PLXNB1: variants seen among roughly 807,000 people sequenced by gnomAD.
PLXNB1 encodes the protein plexin B1.
Under a neutral mutation model 209.4 loss-of-function variants are expected in PLXNB1, and 106 were observed. The ratio of observed to expected loss-of-function variants is 0.51; its 90% CI spans 0.43 to 0.59. The LOEUF is 0.59. PLXNB1 is among the 20% of genes least tolerant of loss of function. The pLI, the probability that PLXNB1 is intolerant of heterozygous loss-of-function variation, is 0.00. For synonymous variants in PLXNB1, 1,167 were observed against 1,183.2 expected (o/e 0.99, Z 0.28); for missense variants, 2,357 against 2,853.2 (o/e 0.83, Z 3.96).
chr3:48,418,374 C>T lies in PLXNB1; in HGVS notation c.3050-11G>A. ...AGTCATACAGTACCACTGGGGGTGG[C>T]AGAGACACACGTGAGAGGCAGGCCT... On this transcript the variant is annotated splice_polypyrimidine_tract_variant and intron_variant, in intron 14 of 37. Coordinates refer to ENST00000296440, the MANE Select transcript of PLXNB1 (RefSeq NM_001130082.3). This position sits in a 1 kb window ranked among gnomAD's most constrained non-coding sequence, Gnocchi z 6.6. The T allele has an allele frequency of 6.2e-7, 1 of 1,613,618 alleles. No individual in the cohort carries two copies. Among genetic ancestry groups the T allele is most frequent in the Non-Finnish European group, 8.5e-7 (1 of 1,180,006 alleles).
rs751392390 is a variant in PLXNB1 at position 48,421,246 on chromosome 3, C to T, written c.1792G>A (p.Val598Met). 1.2e-6 allele frequency: 2 copies of T among 1,613,194 alleles called. No individual in the cohort carries two copies. Among genetic ancestry groups the T allele is most frequent in the Non-Finnish European group, 8.5e-7 (1 of 1,179,676 alleles). ...CPSPDPSEAP[V>M]LPRGADYVSV... ...CACCCACCGGCTCCTCTCGGCAGCA[C>T]TGGGGCCTCACTAGGGTCTGGGGAG... Residue 598 changes from valine to methionine, a missense_variant, in exon 8 of 38, where the codon GTG becomes ATG. Val to Met is a conservative substitution (Grantham distance 21). Coordinates refer to ENST00000296440, the MANE Select transcript of PLXNB1 (RefSeq NM_001130082.3).
Position 48,422,814 on chromosome 3 carries a change from T to A in PLXNB1, c.1241A>T (p.Asp414Val). The A allele has an allele frequency of 6.2e-7, 1 of 1,614,142 alleles. No homozygotes were observed. Among genetic ancestry groups the A allele is most frequent in the Middle Eastern group, 1.7e-4 (1 of 6,060 alleles). The change falls in exon 4 of 38, where the codon GAT (aspartate) becomes GTT (valine). Residue 414 changes from aspartate to valine, a missense_variant. Physicochemically the swap from Asp to Val is radical, Grantham distance 152. This residue lies in a region of PLXNB1 where 404 missense variants were observed against 443.6 expected (regional missense o/e 0.91). Coordinates refer to ENST00000296440, the MANE Select transcript of PLXNB1 (RefSeq NM_001130082.3). Reference sequence around the variant, plus strand: ...ACCCAGGAAAGCGATGGTGTGTCCATCTTCCATGGTGACTGCCACAGCTGT... The same window carrying A: ...ACCCAGGAAAGCGATGGTGTGTCCAACTTCCATGGTGACTGCCACAGCTGT... Reference protein sequence around the residue: ...QLTAVAVTMEDGHTIAFLGDS... With the variant: ...QLTAVAVTMEVGHTIAFLGDS...
In PLXNB1 at chr3:48,420,093, G is replaced by A. The variant is rs775808883; in HGVS notation, c.2193C>T (p.Ser731=). The change falls in exon 11 of 38, where the codon TCC becomes TCT. Residue 731 remains serine, a synonymous_variant. Coordinates refer to ENST00000296440, the MANE Select transcript of PLXNB1 (RefSeq NM_001130082.3). The stretch of plus-strand genomic sequence containing the variant: ...CCCATGGCCCCCAGGGGCTGAGCAG[G>A]GAAGGACTAGCCCCAGGTGAGATGT... ...ASDISPGASP[S]LLSPWGPWAG... 3 of 1,613,604 alleles carry A rather than the reference G, an allele frequency of 1.9e-6. No homozygotes were observed. Among genetic ancestry groups the A allele is most frequent in the Admixed American group, 3.3e-5 (2 of 60,004 alleles).
rs2037184599 is a variant in PLXNB1 at position 48,404,377 on chromosome 3, A to T, written c.*109T>A. Reference sequence around the variant, plus strand: ...AGGAGACTGGGAGTCACCTTCCACTAACTCTGCTTGTCAGTCACTACAGGC... The same window carrying T: ...AGGAGACTGGGAGTCACCTTCCACTTACTCTGCTTGTCAGTCACTACAGGC... On this transcript the variant is annotated 3_prime_UTR_variant, in exon 38 of 38. Transcript: ENST00000296440. 1 of 662,492 alleles carries T rather than the reference A, an allele frequency of 1.5e-6. No homozygotes were observed. The highest frequency in any genetic ancestry group is 2.6e-6 in the Non-Finnish European group (1 of 386,530). 41.0% of individuals were successfully genotyped at this position (662,492 alleles called of 1,614,324 possible). A position where few individuals can be genotyped will look rare whatever the true frequency, so the allele number is the denominator to read the frequency against.
chr3:48,423,008 C>T, intron 3 of PLXNB1, 61 bp from the exon 4 acceptor site: 1 of 1,465,916 alleles, frequency 6.8e-7, no homozygotes, highest in South Asian at 1.2e-5. Flanking sequence ...GCCGCATCGT[C>T]CCTGGACAAC....
rs2037347378 is a variant in PLXNB1, at chr3:48,406,918, C to T, written c.6153-20G>A. The T allele has an allele frequency of 1.2e-6, 2 of 1,612,652 alleles. No individual in the cohort carries two copies. The highest frequency in any genetic ancestry group is 1.7e-6 in the Non-Finnish European group (2 of 1,178,982). On this transcript the variant is annotated intron_variant, in intron 35 of 37. Coordinates refer to ENST00000296440, the MANE Select transcript of PLXNB1 (RefSeq NM_001130082.3). This position sits in a 1 kb window ranked among gnomAD's most constrained non-coding sequence, Gnocchi z 4.4. ...TAGTACCTGCCAGAGAGCCAGGGCA[C>T]AGCAGCTGCTGGGTAAACAAGCCCA...
chr3:48,407,679 C>T (rs1325091231), intron 34 of PLXNB1, among the ~76,000 whole-genome samples: 2 of 152,352 alleles, frequency 1.3e-5, no homozygotes, highest in Admixed American at 1.3e-4. Context: ...GTGGCACTGT[C>T]CCCCATGAGC....
rs944454670 is a variant in PLXNB1, at chr3:48,411,235, G to A, written c.5248-199C>T. Among the ~76,000 whole-genome samples, 5 of 152,168 alleles carry A rather than the reference G, an allele frequency of 3.3e-5. No homozygotes were observed. The highest frequency in any genetic ancestry group is 1.9e-4 in the East Asian group (1 of 5,190). On this transcript the variant is annotated intron_variant, in intron 28 of 37. Coordinates refer to ENST00000296440, the MANE Select transcript of PLXNB1 (RefSeq NM_001130082.3). This position sits in a 1 kb window ranked among gnomAD's most constrained non-coding sequence, Gnocchi z 4.0. ...CCCCATTGTGACCCCAGCACCTAGC[G>A]CAGTGCACTTGTAAACCACTATGGG... is the stretch of plus-strand genomic sequence containing the variant.
Position 48,419,945 on chromosome 3 carries a change from A to C in PLXNB1, c.2341T>G (p.Ser781Ala). Residue 781 changes from serine (S) to alanine (A), a missense_variant, in exon 11 of 38, where the codon TCA becomes GCA. Physicochemically the swap from Ser to Ala is moderately conservative, Grantham distance 99. Around this residue, in one of 7 missense-constraint regions of PLXNB1, gnomAD observed 410 missense variants for 401.0 expected, o/e 1.02. Transcript: ENST00000296440. The surrounding 1 kb of genome is among the most constrained non-coding windows in gnomAD (Gnocchi z 5.7). ...AVPAPTDFRP[S>A]ATPEDLLASP... is the part of the protein sequence containing the mutation. The stretch of plus-strand genomic sequence containing the variant: ...GCCAAGAGGTCCTCAGGTGTGGCTG[A>C]GGGTCTGAAGTCAGTGGGGGCAGGG... The C allele has an allele frequency of 6.4e-7, 1 of 1,572,044 alleles. No individual in the cohort carries two copies.
chr3:48,415,243 A>T lies in PLXNB1; in HGVS notation c.3899T>A (p.Leu1300His). 6.2e-7 allele frequency: 1 copy of T among 1,613,520 alleles called. No homozygotes were observed. The highest frequency in any genetic ancestry group is 8.5e-7 in the Non-Finnish European group (1 of 1,180,020). ...VSRMLQPSQG[L>H]GRRRRVVPET... ...CGGGACCACGCGACGCCTCCGTCCA[A>T]GCCCCTGGCTGGGCTGCAGCATTCT... The change falls in exon 20 of 38, where the codon CTT (leucine) becomes CAT (histidine). Residue 1300 changes from leucine to histidine, a missense_variant. Leu to His is a moderately conservative substitution (Grantham distance 99). Transcript: ENST00000296440. This position sits in a 1 kb window ranked among gnomAD's most constrained non-coding sequence, Gnocchi z 5.0.
In PLXNB1 at chr3:48,415,753, C is replaced by T. The variant is rs540335060; in HGVS notation, c.3624G>A (p.Pro1208=). ...ACCGCAGTTGTTCTGACTGCTGCTCCGGCAGCCTGGGAGGGGAGGTGGGAA... is the reference window on the plus strand; with the variant it reads ...ACCGCAGTTGTTCTGACTGCTGCTCTGGCAGCCTGGGAGGGGAGGTGGGAA... The part of the protein sequence containing the change: ...VVGDQPCHLL[P]EQQSEQLRCE... Residue 1208 remains proline, a synonymous_variant, in exon 19 of 38, where the codon CCG becomes CCA. Transcript: ENST00000296440. This position sits in a 1 kb window ranked among gnomAD's most constrained non-coding sequence, Gnocchi z 5.0. 4.3e-5 allele frequency: 66 copies of T among 1,541,490 alleles called. 1 individual carries two copies. The highest frequency in any genetic ancestry group is 1.8e-4 in the South Asian group (15 of 83,660).
In PLXNB1 at chr3:48,418,490, C is replaced by G. The variant is rs745606314; in HGVS notation, c.3008G>C (p.Arg1003Pro). Residue 1003 changes from arginine (R) to proline (P), a missense_variant, in exon 14 of 38, where the codon CGG (arginine) becomes CCG (proline). Arg to Pro is a moderately radical substitution (Grantham distance 103). Transcript: ENST00000296440. This position sits in a 1 kb window ranked among gnomAD's most constrained non-coding sequence, Gnocchi z 6.6. ...ACTGTCCACACGCAGACGGCCGGCC[C>G]GACGCAGAAACAGCCCCACACGGAG... is the stretch of plus-strand genomic sequence containing the variant. ...PELRVGLFLR[R>P]AGRLRVDSAE... 3 of 1,612,370 alleles carry G rather than the reference C, an allele frequency of 1.9e-6. No individual in the cohort carries two copies. The highest frequency in any genetic ancestry group is 2.5e-6 in the Non-Finnish European group (3 of 1,179,408).
Position 48,418,548 on chromosome 3 carries a change from GA to G in PLXNB1, c.2956-7del, listed in dbSNP as rs1479172189. On this transcript the variant is annotated splice_region_variant and splice_polypyrimidine_tract_variant and intron_variant, in intron 13 of 37. Transcript: ENST00000296440. The surrounding 1 kb of genome is among the most constrained non-coding windows in gnomAD (Gnocchi z 6.6). ...TGCAGAGCCTCATAGCTGAGCTGGAGAAATGGGAGTGGGTTCAGAGTCAAGC... is the reference window on the plus strand; with the variant it reads ...TGCAGAGCCTCATAGCTGAGCTGGAGAATGGGAGTGGGTTCAGAGTCAAGC... 1 of 1,586,076 alleles carries G rather than the reference GA, an allele frequency of 6.3e-7. No homozygotes were observed. Among genetic ancestry groups the G allele is most frequent in the African/African-American group, 1.4e-5 (1 of 73,914 alleles).
At chr3:48,426,052 G>A (rs1317100865) in intron 1 of PLXNB1, among the ~76,000 whole-genome samples, 3 of 152,018 alleles carry the variant, frequency 2.0e-5, no homozygotes, top group Non-Finnish European at 1.5e-5. Flanking sequence ...CACTCCCCTC[G>A]TTTGAGAGTA....
At chr3:48,421,570 G>A in intron 7 of PLXNB1, 104 bp downstream of exon 7, 1 of 1,256,050 alleles carries the variant, frequency 8.0e-7, no homozygotes. Flanking sequence ...CTTGTGTGAG[G>A]CCATGTGGTA....
Position 48,406,608 on chromosome 3 carries a change from C to T in PLXNB1, c.6228+215G>A. 7.2e-7 allele frequency: 1 copy of T among 1,390,636 alleles called. No individual in the cohort carries two copies. The highest frequency in any genetic ancestry group is 9.3e-7 in the Non-Finnish European group (1 of 1,074,682). 86.1% of individuals were successfully genotyped at this position (1,390,636 alleles called of 1,614,324 possible). ...CTGAATCAGGGTACATGGCAGCTGC[C>T]AGGACAAGACCCCTGCTTGCTCTGT... On this transcript the variant is annotated intron_variant, in intron 36 of 37. Transcript: ENST00000296440. This position sits in a 1 kb window ranked among gnomAD's most constrained non-coding sequence, Gnocchi z 4.4.
Position 48,420,253 on chromosome 3 carries a change from G to A in PLXNB1, c.2033C>T (p.Pro678Leu), listed in dbSNP as rs750031146. 17 of 1,537,844 alleles carry A rather than the reference G, an allele frequency of 1.1e-5. No homozygotes were observed. The East Asian group carries it at 2.4e-4, about 22-fold the overall frequency. Residue 678 changes from proline to leucine, a missense_variant, in exon 11 of 38, where the codon CCG (proline) becomes CTG (leucine). Physicochemically the swap from Pro to Leu is moderately conservative, Grantham distance 98. Transcript: ENST00000296440. The part of the protein sequence containing the change: ...AGPMVASHQS[P>L]LVSPDPPARG... ...TGCAGGAGGGTCTGGGGAGACAAGC[G>A]GGCTCTGAAGGGGGAGGCAGAGGAA...
rs1036092743 is a variant in PLXNB1 at position 48,411,305 on chromosome 3, C to G, written c.5248-269G>C. ...GAGTGAGCACAAGTCCCTCATCACTCAGATCCCCAGGTTCCTGGCTGAATG... is the reference window on the plus strand; with the variant it reads ...GAGTGAGCACAAGTCCCTCATCACTGAGATCCCCAGGTTCCTGGCTGAATG... On this transcript the variant is annotated intron_variant, in intron 28 of 37. Transcript: ENST00000296440. This position sits in a 1 kb window ranked among gnomAD's most constrained non-coding sequence, Gnocchi z 4.0. Among the ~76,000 whole-genome samples, 2 of 152,248 alleles carry G rather than the reference C, an allele frequency of 1.3e-5. No homozygotes were observed. The highest frequency in any genetic ancestry group is 1.3e-4 in the Admixed American group (2 of 15,290).
In PLXNB1 at chr3:48,422,124, AC is replaced by A. The variant is rs1278493273; in HGVS notation, c.1500del (p.Trp501GlyfsTer39). 1 of 1,613,826 alleles carries A rather than the reference AC, an allele frequency of 6.2e-7. No homozygotes were observed. Among genetic ancestry groups the A allele is most frequent in the African/African-American group, 1.3e-5 (1 of 74,912 alleles). ...SCLAHRDPYC[G>X]WCVLLGRCSR... The stretch of plus-strand genomic sequence containing the variant: ...TCTGACCTGCCAAGGAGCACGCACC[AC>A]CCACAGTATGGGTCCCTGTGAGCAA... On this transcript the variant is annotated frameshift_variant, in exon 6 of 38. Transcript: ENST00000296440. LOFTEE classifies it high-confidence loss of function.
Sources: gnomAD v4.1 joint callset for allele counts (sites outside exome capture counted in the v4.1 genomes callset) on GRCh38, gnomAD v4.1.1 for gene constraint, gnomAD v4.1.1 regional missense constraint, Gnocchi (gnomAD v3.1) non-coding constraint, MANE v1.5 for transcripts, NCBI Gene and HGNC (gene_info 2026-07-23, HGNC 2026-07-21) for gene names.